EML4: variants seen among roughly 807,000 people sequenced by gnomAD.
The protein encoded by EML4 is EMAP like 4.
EML4 carries 72 observed loss-of-function variants against 129.0 expected under a neutral mutation model. That is an observed-to-expected ratio of 0.56 (90% CI 0.46 to 0.68). EML4 has a LOEUF of 0.68. EML4 is among the 30% of genes least tolerant of loss of function. EML4 has a pLI of 0.00. For missense variants in EML4, 1,363 were observed against 1,190.6 expected, an observed-to-expected ratio of 1.14 and a Z score of -2.13; for synonymous variants, 532 against 405.0, an observed-to-expected ratio of 1.31 and a Z score of -3.77.
chr2:42,223,337 T>C (rs780248774), intron 1 of EML4, among the ~76,000 whole-genome samples: 30 of 152,144 alleles, frequency 2.0e-4, no homozygotes, highest in Non-Finnish European at 2.8e-4. Context: ...TGTCCTAACT[T>C]CCTAGCCATT....
chr2:42,328,517 T>G (rs1029068485), intron 21 of EML4, among the ~76,000 whole-genome samples: 1 of 152,214 alleles, frequency 6.6e-6, no homozygotes, highest in Non-Finnish European at 1.5e-5. Flanking sequence ...TTGAACCTTG[T>G]CTATACAAGT....
intron 1 of EML4, among the ~76,000 whole-genome samples, chr2:42,186,775 T>C (rs1395462719): frequency 6.6e-6 from 1 of 152,172 alleles, no homozygotes; most frequent in Middle Eastern, 3.2e-3. Flanking sequence ...CAGAGTAGTT[T>C]TCAGACTTCA....
rs1038451338 is a variant in EML4, at chr2:42,330,840, G to C, written c.*633G>C. On this transcript the variant is annotated 3_prime_UTR_variant, in exon 23 of 23. Coordinates refer to ENST00000318522, the MANE Select transcript of EML4 (RefSeq NM_019063.5). ...ACTAGAGAGGTGCTGCCTTTTCTAA[G>C]TCATAATGAGGAACAGTCCCTTAAT... 4.8e-6 allele frequency: 1 copy of C among 208,826 alleles called. No individual in the cohort carries two copies. Among genetic ancestry groups the C allele is most frequent in the African/African-American group, 2.3e-5 (1 of 43,710 alleles). 12.9% of individuals were successfully genotyped at this position (208,826 alleles called of 1,614,324 possible).
At chr2:42,274,449 T>C (rs74585298) in intron 6 of EML4, among the ~76,000 whole-genome samples, 1,881 of 152,240 alleles carry the variant, frequency 0.012, 36 homozygotes, top group African/African-American at 0.043. Flanking sequence ...TTTTTCTTTT[T>C]AAACAATCTC....
At chr2:42,196,159 C>G (rs1204904196) in intron 1 of EML4, among the ~76,000 whole-genome samples, 2 of 152,048 alleles carry the variant, frequency 1.3e-5, no homozygotes, top group African/African-American at 2.4e-5. Context: ...TCTCTGAACC[C>G]TAGCGTTCAT....
At chr2:42,244,839 A>G (rs1675281185) in intron 1 of EML4, among the ~76,000 whole-genome samples, 1 of 152,114 alleles carries the variant, frequency 6.6e-6, no homozygotes, top group African/African-American at 2.4e-5. Context: ...AGAAAGGTTA[A>G]ATAGTTTGCT....
intron 1 of EML4, among the ~76,000 whole-genome samples, chr2:42,189,785 C>G (rs193135513): frequency 5.3e-5 from 8 of 152,196 alleles, no homozygotes; most frequent in Admixed American, 2.0e-4. Flanking sequence ...TTCCACTATA[C>G]GATACTTTTT....
At chr2:42,213,399 T>C (rs572380332) in intron 1 of EML4, among the ~76,000 whole-genome samples, 3 of 152,338 alleles carry the variant, frequency 2.0e-5, no homozygotes, top group Admixed American at 6.5e-5. Context: ...ATTTGTGTAG[T>C]TACATTTCCA....
In EML4 at chr2:42,171,132, T is replaced by TA. The variant is rs879262513; in HGVS notation, c.25+1497dup. The stretch of plus-strand genomic sequence containing the variant: ...TTCCTTACTTAGGTTGGGCTCTTTT[T>TA]AGAGAGACATCCATTTTTCCCTGGT... On this transcript the variant is annotated intron_variant, in intron 1 of 22. Transcript: ENST00000318522. 9.8e-5 allele frequency among the ~76,000 whole-genome samples: 15 copies of TA among 152,358 alleles called. No individual in the cohort carries two copies. The East Asian group carries it at 2.7e-3, about 27-fold the overall frequency.
chr2:42,313,386 C>T (rs1669067584), intron 17 of EML4, among the ~76,000 whole-genome samples: 1 of 152,184 alleles, frequency 6.6e-6, no homozygotes. Flanking sequence ...GCCATGGTCA[C>T]TCATATTTGG....
intron 11 of EML4, chr2:42,288,547 C>G: frequency 3.7e-6 from 1 of 269,288 alleles, no homozygotes. Context: ...ATATTTCAGA[C>G]ATTACTATAG....
At chr2:42,221,933 A>C (rs967381915) in intron 1 of EML4, among the ~76,000 whole-genome samples, 1 of 151,936 alleles carries the variant, frequency 6.6e-6, no homozygotes, top group Non-Finnish European at 1.5e-5. Flanking sequence ...ACAGTGTTTC[A>C]TCATGTTGCC....
intron 1 of EML4, among the ~76,000 whole-genome samples, chr2:42,188,379 C>G (rs1203943724): frequency 6.6e-6 from 1 of 152,026 alleles, no homozygotes; most frequent in Non-Finnish European, 1.5e-5. Flanking sequence ...CACCACCATG[C>G]CTGGCTAATT....
intron 1 of EML4, among the ~76,000 whole-genome samples, chr2:42,191,882 A>AC (rs1278431197): frequency 6.6e-6 from 1 of 151,790 alleles, no homozygotes; most frequent in Admixed American, 6.6e-5. Context: ...GGTGGCTCAC[A>AC]CCTGTAATCC....
Position 42,264,163 on chromosome 2 carries a change from C to A in EML4, c.642-543C>A, listed in dbSNP as rs554794733. Among the ~76,000 whole-genome samples the A allele has an allele frequency of 1.4e-3, 185 of 132,338 alleles. 1 individual carries two copies. The highest frequency in any genetic ancestry group is 2.5e-3 in the Non-Finnish European group (159 of 64,372). The allele number at this position is 132,338 out of a possible 152,430, so 86.8% of individuals were successfully genotyped here. A position where few individuals can be genotyped will look rare whatever the true frequency, so the allele number is the denominator to read the frequency against. ...GTCTCAGTCGTCCAGGCTGGAGTGC[C>A]ATGGCACCATCACTATCATGTCTTA... On this transcript the variant is annotated intron_variant, in intron 5 of 22. Transcript: ENST00000318522.
At chr2:42,267,521 A>G (rs1186540835) in intron 6 of EML4, among the ~76,000 whole-genome samples, 3 of 152,192 alleles carry the variant, frequency 2.0e-5, no homozygotes, top group East Asian at 3.8e-4. Flanking sequence ...GAAGAAGCCT[A>G]TTTACATATG....
chr2:42,196,862 C>G (rs1321735844), intron 1 of EML4, among the ~76,000 whole-genome samples: 2 of 152,140 alleles, frequency 1.3e-5, no homozygotes, highest in Admixed American at 6.5e-5. Flanking sequence ...CCTGCCTCCA[C>G]CCTGCCCTCT....
rs887508945 is a variant in EML4, at chr2:42,329,113, C to T, written c.2472+97C>T. On this transcript the variant is annotated intron_variant, in intron 22 of 22. Coordinates refer to ENST00000318522, the MANE Select transcript of EML4 (RefSeq NM_019063.5). ...AAAATATAGGTTACTGATTCCTCTC[C>T]ATGATACTCCAGTGCACAGAGGGAG... is the stretch of plus-strand genomic sequence containing the variant. The T allele has an allele frequency of 1.4e-5, 18 of 1,248,886 alleles. No homozygotes were observed. The African/African-American group carries it at 2.5e-4, about 18-fold the overall frequency. The allele number at this position is 1,248,886 out of a possible 1,614,324, so 77.4% of individuals were successfully genotyped here.
chr2:42,211,084 T>G (rs1672860029), intron 1 of EML4, among the ~76,000 whole-genome samples: 1 of 152,224 alleles, frequency 6.6e-6, no homozygotes, highest in South Asian at 2.1e-4. Context: ...TATAACTCTT[T>G]TTAGTATTTG....
Sources: allele counts gnomAD v4.1 joint callset (sites outside exome capture counted in the v4.1 genomes callset), GRCh38; gene constraint gnomAD v4.1.1; transcripts MANE v1.5; gene names NCBI Gene and HGNC (gene_info 2026-07-23, HGNC 2026-07-21).